The following STK3 variants were observed in gnomAD, a reference collection of about 807,000 sequenced individuals.
STK3 encodes serine/threonine-protein kinase 3.
Under a neutral mutation model 58.0 loss-of-function variants are expected in STK3, and 41 were observed. The observed-to-expected ratio is 0.71, with a 90% confidence interval of 0.55 to 0.92. The LOEUF (loss-of-function observed/expected upper bound fraction) is 0.92. STK3 is among the 40% of genes least tolerant of loss of function. STK3 has a pLI of 0.00. For missense variants in STK3, 479 were observed against 602.7 expected (o/e 0.79, Z 2.15); for synonymous variants, 170 against 191.0 (o/e 0.89, Z 0.91).
At chr8:98,918,722 T>C (rs539040306) in intron 1 of STK3, among the ~76,000 whole-genome samples, 9 of 152,104 alleles carry the variant, frequency 5.9e-5, no homozygotes, top group South Asian at 2.1e-4. Context: ...GAGTCATTGA[T>C]TGCACCACTA....
intron 1 of STK3, chr8:98,904,551 GC>G: frequency 2.0e-6 from 1 of 503,628 alleles, no homozygotes. Context: ...TCTCATATAT[GC>G]CCGCAGCCCG....
intron 7 of STK3, among the ~76,000 whole-genome samples, chr8:98,584,548 G>T (rs1413716530): frequency 1.3e-5 from 2 of 151,362 alleles, no homozygotes; most frequent in Non-Finnish European, 2.9e-5. Context: ...GAATAATGCC[G>T]CAATAAACAT....
At chr8:98,591,294 T>G (rs1230218494) in intron 7 of STK3, among the ~76,000 whole-genome samples, 1 of 152,240 alleles carries the variant, frequency 6.6e-6, no homozygotes. Context: ...TTGGATATTG[T>G]GTTTTGTGTT....
intron 6 of STK3, among the ~76,000 whole-genome samples, chr8:98,683,139 C>T (rs1457323638): frequency 6.6e-6 from 1 of 151,698 alleles, no homozygotes; most frequent in Admixed American, 6.6e-5. Flanking sequence ...TTTTTCTGAT[C>T]TCTAATAAGG....
intron 9 of STK3, among the ~76,000 whole-genome samples, chr8:98,529,294 G>GA (rs1487395751): frequency 1.3e-5 from 2 of 152,050 alleles, no homozygotes; most frequent in Admixed American, 6.6e-5. Flanking sequence ...AAGGGGGGGG[G>GA]ACGGAGATTG....
downstream of STK3, among the ~76,000 whole-genome samples, chr8:98,399,646 C>T (rs936264291): frequency 1.3e-5 from 2 of 152,202 alleles, no homozygotes; most frequent in Admixed American, 6.5e-5. Flanking sequence ...ATTAGACGAT[C>T]TCTGAGGTCT....
At chr8:98,481,166 A>C (rs994606631) in intron 10 of STK3, among the ~76,000 whole-genome samples, 1 of 152,038 alleles carries the variant, frequency 6.6e-6, no homozygotes, top group African/African-American at 2.4e-5. Flanking sequence ...CACATGGATA[A>C]ATGCTAGAAT....
chr8:98,614,427 CAAAG>C (rs1258633131), intron 6 of STK3, among the ~76,000 whole-genome samples: 2 of 152,096 alleles, frequency 1.3e-5, no homozygotes, highest in Non-Finnish European at 2.9e-5. Flanking sequence ...ATCTATGTGT[CAAAG>C]AAGATGTCTC....
intron 10 of STK3, among the ~76,000 whole-genome samples, chr8:98,475,675 A>G (rs1821251983): frequency 6.6e-6 from 1 of 152,250 alleles, no homozygotes; most frequent in African/African-American, 2.4e-5. Flanking sequence ...GCATCATCTG[A>G]TATCTACGCT....
chr8:98,596,947 T>C (rs1371662194), intron 6 of STK3, among the ~76,000 whole-genome samples: 1 of 152,090 alleles, frequency 6.6e-6, no homozygotes, highest in Non-Finnish European at 1.5e-5. Flanking sequence ...GTTAGGGGGT[T>C]AATGTAGATG....
chr8:98,499,140 G>T (rs1823378786), intron 10 of STK3, among the ~76,000 whole-genome samples: 1 of 152,134 alleles, frequency 6.6e-6, no homozygotes, highest in Non-Finnish European at 1.5e-5. Flanking sequence ...TTTGAAAATG[G>T]AGAAAAGGGC....
the STK3 span, among the ~76,000 whole-genome samples, chr8:98,365,720 A>T: frequency 4.6e-5 from 7 of 151,094 alleles, no homozygotes; most frequent in African/African-American, 1.7e-4. Context: ...ACATGAATGT[A>T]TTGATAAACA....
At chr8:98,941,730 T>G (rs1045991796) in intron 1 of STK3, among the ~76,000 whole-genome samples, 3 of 152,184 alleles carry the variant, frequency 2.0e-5, no homozygotes, top group African/African-American at 7.2e-5. Flanking sequence ...GCGTTTCCTG[T>G]CCCTGGCCTT....
rs1403385372 is a variant in STK3, at chr8:98,515,400, C to CA, written c.1317+11341dup. ...TGTTCTCTGACCCAGCTGAAATGTG[C>CA]AAAAAAGCATTCTGTGTTGCTGGCT... On this transcript the variant is annotated intron_variant, in intron 10 of 10. Coordinates refer to ENST00000419617, the MANE Select transcript of STK3 (RefSeq NM_006281.4). Among the ~76,000 whole-genome samples, 3 of 152,028 alleles carry CA rather than the reference C, an allele frequency of 2.0e-5. No homozygotes were observed. In the East Asian group the frequency reaches 5.8e-4, roughly 29 times the overall value.
At chr8:98,657,333 C>T (rs901913940) in intron 6 of STK3, among the ~76,000 whole-genome samples, 2 of 151,970 alleles carry the variant, frequency 1.3e-5, no homozygotes, top group African/African-American at 4.8e-5. Context: ...AACTGAGGCA[C>T]AAACAAGTTG....
At chr8:98,757,217 G>C (rs945234712) in intron 3 of STK3, among the ~76,000 whole-genome samples, 5 of 150,532 alleles carry the variant, frequency 3.3e-5, no homozygotes, top group African/African-American at 9.8e-5. Flanking sequence ...GTCTCGCTCT[G>C]TCGCCCAGGC....
At chr8:98,491,686 A>G (rs1390341903) in intron 10 of STK3, among the ~76,000 whole-genome samples, 1 of 152,198 alleles carries the variant, frequency 6.6e-6, no homozygotes, top group Non-Finnish European at 1.5e-5. Flanking sequence ...AGGAAATTCT[A>G]AAACTATCAG....
At chr8:98,364,610 T>C in the STK3 span, among the ~76,000 whole-genome samples, 2 of 152,346 alleles carry the variant, frequency 1.3e-5, no homozygotes, top group African/African-American at 4.8e-5. Context: ...ATCACTAGCT[T>C]AGTGCCAGGA....
chr8:98,533,180 A>G (rs55964698), intron 9 of STK3, among the ~76,000 whole-genome samples: 9,845 of 152,254 alleles, frequency 0.065, 452 homozygotes, highest in Non-Finnish European at 0.1. Context: ...TCCTATGAAC[A>G]TGAGTATAGA....
Sources: allele counts gnomAD v4.1 joint callset (sites outside exome capture counted in the v4.1 genomes callset), GRCh38; gene constraint gnomAD v4.1.1; transcripts MANE v1.5; gene names NCBI Gene and HGNC (gene_info 2026-07-23, HGNC 2026-07-21).